The following ARHGAP15 variants were observed in gnomAD, a reference collection of about 807,000 sequenced individuals.
ARHGAP15 encodes the protein Rho GTPase activating protein 15.
ARHGAP15 carries 51 observed loss-of-function variants against 63.7 expected under a neutral mutation model. That is an observed-to-expected ratio of 0.80 (90% confidence interval 0.64 to 1.01). The LOEUF (loss-of-function observed/expected upper bound fraction) is 1.01, where lower values mean the gene tolerates loss of function less well. ARHGAP15 is among the 50% of genes least tolerant of loss of function. The pLI is 0.00. For synonymous variants in ARHGAP15, 191 were observed against 193.8 expected, an observed-to-expected ratio of 0.99 and a Z score of 0.12; for missense variants, 560 against 564.6, an observed-to-expected ratio of 0.99 and a Z score of 0.08.
At position 143,228,573 on chromosome 2, in the gene ARHGAP15, G is replaced by A. The variant is rs1318272993; in HGVS notation, c.297-8G>A. On this transcript the variant is annotated splice_polypyrimidine_tract_variant and splice_region_variant and intron_variant, in intron 4 of 13. Coordinates refer to ENST00000295095, the MANE Select transcript of ARHGAP15 (RefSeq NM_018460.4). ...TGCTTTCTTTCCCTTTTATTTTTTTGTCCTAAGGAAAAACTGGTCTACTTC... is the reference window on the plus strand; with the variant it reads ...TGCTTTCTTTCCCTTTTATTTTTTTATCCTAAGGAAAAACTGGTCTACTTC... 1 of 1,581,288 alleles carries A rather than the reference G, an allele frequency of 6.3e-7. No homozygotes were observed. The highest frequency in any genetic ancestry group is 1.1e-5 in the South Asian group (1 of 87,204).
intron 12 of ARHGAP15, among the ~76,000 whole-genome samples, chr2:143,645,464 T>A (rs974686312): frequency 6.6e-6 from 1 of 152,054 alleles, no homozygotes; most frequent in African/African-American, 2.4e-5. Flanking sequence ...CATACCCAGT[T>A]TGTACAAGTT....
intron 13 of ARHGAP15, among the ~76,000 whole-genome samples, chr2:143,736,518 CACAAAGTGTAGAGTGTATAGTTATAG>C (rs1229432674): frequency 8.5e-5 from 13 of 152,088 alleles, no homozygotes; most frequent in African/African-American, 3.1e-4. Context: ...CTTTTACTTA[CACAAAGTGTAGAGTGTATAGTTATAG>C]ACAAAGTGTA....
At chr2:143,568,430 T>C (rs1330833693) in intron 11 of ARHGAP15, among the ~76,000 whole-genome samples, 9 of 152,164 alleles carry the variant, frequency 5.9e-5, no homozygotes, top group African/African-American at 1.7e-4. Context: ...TCATCACTGG[T>C]CATCAGAGAA....
At chr2:143,647,168 C>T (rs1286774227) in intron 12 of ARHGAP15, among the ~76,000 whole-genome samples, 1 of 151,476 alleles carries the variant, frequency 6.6e-6, no homozygotes, top group African/African-American at 2.4e-5. Context: ...TGACTCAAAC[C>T]AGAAGACCTA....
At chr2:143,153,274 A>G (rs1291132915) in intron 1 of ARHGAP15, among the ~76,000 whole-genome samples, 3 of 151,952 alleles carry the variant, frequency 2.0e-5, no homozygotes, top group East Asian at 1.9e-4. Context: ...TAGAGTTTGA[A>G]TCTATTGAAT....
intron 8 of ARHGAP15, among the ~76,000 whole-genome samples, chr2:143,447,736 A>G (rs1690209788): frequency 6.6e-6 from 1 of 152,186 alleles, no homozygotes; most frequent in African/African-American, 2.4e-5. Flanking sequence ...CATTTTTTAA[A>G]CCTCGTTTAC....
intron 6 of ARHGAP15, among the ~76,000 whole-genome samples, chr2:143,434,914 A>G (rs1437106107): frequency 2.0e-5 from 3 of 152,150 alleles, no homozygotes; most frequent in African/African-American, 7.2e-5. Context: ...GTTACACGCT[A>G]AATATTGCCA....
chr2:143,259,958 A>G (rs951286226), intron 6 of ARHGAP15, among the ~76,000 whole-genome samples: 1 of 152,178 alleles, frequency 6.6e-6, no homozygotes. Flanking sequence ...AAGAATATAC[A>G]TGAGATGCTT....
intron 11 of ARHGAP15, among the ~76,000 whole-genome samples, chr2:143,578,101 C>T (rs1018248164): frequency 6.6e-6 from 1 of 152,008 alleles, no homozygotes; most frequent in Non-Finnish European, 1.5e-5. Flanking sequence ...GTACATAAAC[C>T]TCACAGCAAT....
At chr2:143,584,766 G>T (rs1697044551) in intron 11 of ARHGAP15, among the ~76,000 whole-genome samples, 1 of 152,162 alleles carries the variant, frequency 6.6e-6, no homozygotes, top group African/African-American at 2.4e-5. Flanking sequence ...AAAAATAATT[G>T]CAGTTTGGCC....
chr2:143,198,466 C>T (rs939058533), intron 2 of ARHGAP15, among the ~76,000 whole-genome samples: 5 of 151,794 alleles, frequency 3.3e-5, no homozygotes, highest in Admixed American at 6.6e-5. Flanking sequence ...ATTATTTAAA[C>T]TTAAATAGCT....
intron 6 of ARHGAP15, among the ~76,000 whole-genome samples, chr2:143,391,275 G>A (rs1478497197): frequency 6.6e-6 from 1 of 152,148 alleles, no homozygotes; most frequent in East Asian, 1.9e-4. Flanking sequence ...AGGATTTAAG[G>A]CTAGAACAGC....
At chr2:143,291,269 T>A (rs1275178436) in intron 6 of ARHGAP15, among the ~76,000 whole-genome samples, 1 of 152,082 alleles carries the variant, frequency 6.6e-6, no homozygotes, top group Non-Finnish European at 1.5e-5. Flanking sequence ...GATTAAGTAT[T>A]TTGGGGGGTA....
intron 6 of ARHGAP15, among the ~76,000 whole-genome samples, chr2:143,306,105 C>A (rs1683156760): frequency 6.6e-6 from 1 of 152,054 alleles, no homozygotes; most frequent in Non-Finnish European, 1.5e-5. Context: ...TCTTTTGGAA[C>A]AATCTCAGTA....
intron 12 of ARHGAP15, among the ~76,000 whole-genome samples, chr2:143,668,927 G>C (rs963604214): frequency 3.3e-5 from 5 of 152,176 alleles, no homozygotes; most frequent in African/African-American, 1.2e-4. Context: ...AATTCATTTA[G>C]AGGTAAAATA....
intron 6 of ARHGAP15, among the ~76,000 whole-genome samples, chr2:143,278,638 A>G (rs977427733): frequency 2.6e-5 from 4 of 152,166 alleles, no homozygotes; most frequent in Admixed American, 1.3e-4. Context: ...GTAGAGTTCC[A>G]TAGTGCCTCA....
At chr2:143,491,584 T>C (rs1692582361) in intron 9 of ARHGAP15, among the ~76,000 whole-genome samples, 1 of 152,212 alleles carries the variant, frequency 6.6e-6, no homozygotes, top group African/African-American at 2.4e-5. Context: ...GCTTGAAGAA[T>C]AAATAGCACA....
chr2:143,546,781 A>G (rs1008093710), intron 10 of ARHGAP15, among the ~76,000 whole-genome samples: 3 of 152,200 alleles, frequency 2.0e-5, no homozygotes, highest in African/African-American at 7.2e-5. Context: ...AAAGAAACTC[A>G]GAGAATAATA....
intron 5 of ARHGAP15, among the ~76,000 whole-genome samples, chr2:143,246,650 G>A (rs536371260): frequency 1.3e-5 from 2 of 152,054 alleles, no homozygotes; most frequent in Admixed American, 6.5e-5. Flanking sequence ...AGATGAGAGC[G>A]ATATCCTTGG....
Sources: allele counts gnomAD v4.1 joint callset (sites outside exome capture counted in the v4.1 genomes callset), GRCh38; gene constraint gnomAD v4.1.1; transcripts MANE v1.5; gene names NCBI Gene and HGNC (gene_info 2026-07-23, HGNC 2026-07-21).